Variants in CPE observed in about 807,000 individuals in gnomAD.
The protein encoded by CPE is carboxypeptidase E, also known as carbocypeptidase E.
In CPE, 17 loss-of-function variants were observed where a neutral mutation model predicts 53.5. The observed-to-expected ratio is 0.32, with a 90% CI of 0.22 to 0.48. The LOEUF is 0.48. CPE is among the 20% of genes least tolerant of loss of function. The pLI is 0.99. For missense variants in CPE, 524 were observed against 614.7 expected, an observed-to-expected ratio of 0.85 and a Z score of 1.56; for synonymous variants, 226 against 228.8, an observed-to-expected ratio of 0.99 and a Z score of 0.11.
intron 1 of CPE, among the ~76,000 whole-genome samples, chr4:165,437,399 C>T (rs573268570): frequency 6.6e-6 from 1 of 152,298 alleles, no homozygotes; most frequent in South Asian, 2.1e-4. Flanking sequence ...TAAATCAGCT[C>T]TGTTCTGTCA....
chr4:165,391,495 T>A (rs1730679280), intron 1 of CPE, among the ~76,000 whole-genome samples: 1 of 152,084 alleles, frequency 6.6e-6, no homozygotes, highest in Non-Finnish European at 1.5e-5. Flanking sequence ...TACTAACAAC[T>A]TGCAGTGTAA....
Position 165,392,757 on chromosome 4 carries a change from C to CA in CPE, c.307+13232dup, listed in dbSNP as rs1730705303. The stretch of plus-strand genomic sequence containing the variant: ...TTGTCTTGGTGAGGGAAATCAGCCT[C>CA]AAAGGACAACACCCCAAAACTGCAT... On this transcript the variant is annotated intron_variant, in intron 1 of 8. Transcript: ENST00000402744. Among the ~76,000 whole-genome samples the CA allele has an allele frequency of 3.4e-5, 5 of 148,056 alleles. No homozygotes were observed. In the South Asian group the frequency reaches 1.1e-3, roughly 31 times the overall value.
chr4:165,385,420 TTA>T (rs111764969), intron 1 of CPE, among the ~76,000 whole-genome samples: 2 of 144,668 alleles, frequency 1.4e-5, no homozygotes, highest in Admixed American at 7.1e-5. Flanking sequence ...TCTTACTGTT[TTA>T]TTTTTGTTCA....
rs543612224 is a variant in CPE, at chr4:165,469,334, T to G, written c.672+1479T>G. Among the ~76,000 whole-genome samples the G allele has an allele frequency of 7.2e-5, 11 of 152,300 alleles. No homozygotes were observed. The South Asian group carries it at 1.5e-3, about 20-fold the overall frequency. On this transcript the variant is annotated intron_variant, in intron 3 of 8. Transcript: ENST00000402744. Reference sequence around the variant, plus strand: ...CCCTACATGTAGTGTCTTTCCTAAGTGAGAGCTCGCAAAGTACCATTTCTC... The same window carrying G: ...CCCTACATGTAGTGTCTTTCCTAAGGGAGAGCTCGCAAAGTACCATTTCTC...
chr4:165,407,691 G>C (rs902428417), intron 1 of CPE, among the ~76,000 whole-genome samples: 6 of 151,976 alleles, frequency 3.9e-5, no homozygotes, highest in Admixed American at 3.3e-4. Flanking sequence ...GGGATTACAG[G>C]CATCCACCAC....
chr4:165,495,686 T>A lies in CPE; in HGVS notation c.1332+9T>A. ...ACAGCCCTGCTGCTGGGGTAAGTAA[T>A]CATAATAATAGCCAAACGCTATAAT... On this transcript the variant is annotated intron_variant, in intron 8 of 8. Coordinates refer to ENST00000402744, the MANE Select transcript of CPE (RefSeq NM_001873.4). The A allele has an allele frequency of 6.5e-7, 1 of 1,544,090 alleles. No individual in the cohort carries two copies. The highest frequency in any genetic ancestry group is 1.7e-5 in the Admixed American group (1 of 57,266).
intron 1 of CPE, among the ~76,000 whole-genome samples, chr4:165,401,964 C>T (rs1195720842): frequency 6.6e-6 from 1 of 152,050 alleles, no homozygotes; most frequent in Non-Finnish European, 1.5e-5. Flanking sequence ...TGATGAGGAC[C>T]TGGAAAGGTG....
intron 1 of CPE, among the ~76,000 whole-genome samples, chr4:165,417,363 T>C (rs559045878): frequency 1.8e-4 from 27 of 152,360 alleles, no homozygotes; most frequent in African/African-American, 6.3e-4. Flanking sequence ...CTATTCATTA[T>C]AGAGCAGTTT....
At chr4:165,446,126 C>T (rs1265948488) in intron 1 of CPE, among the ~76,000 whole-genome samples, 2 of 151,752 alleles carry the variant, frequency 1.3e-5, no homozygotes, top group Non-Finnish European at 2.9e-5. Context: ...ATGTCAAAAT[C>T]AGAATATAAA....
intron 1 of CPE, among the ~76,000 whole-genome samples, chr4:165,442,550 T>C (rs1389502977): frequency 6.6e-6 from 1 of 152,158 alleles, no homozygotes; most frequent in South Asian, 2.1e-4. Context: ...ACATCAGAGG[T>C]TGATCTGTGC....
chr4:165,473,881 G>A (rs1470829707), intron 3 of CPE, among the ~76,000 whole-genome samples: 2 of 152,210 alleles, frequency 1.3e-5, no homozygotes, highest in Non-Finnish European at 2.9e-5. Context: ...CAATGACTTG[G>A]AAGCCAGCCA....
chr4:165,382,280 G>A (rs746593285), intron 1 of CPE, among the ~76,000 whole-genome samples: 39 of 151,454 alleles, frequency 2.6e-4, no homozygotes, highest in Non-Finnish European at 5.2e-4. Context: ...TGTACAGTTT[G>A]TTGACATTTA....
intron 1 of CPE, among the ~76,000 whole-genome samples, chr4:165,385,612 G>A (rs1350341277): frequency 1.3e-5 from 2 of 151,678 alleles, no homozygotes; most frequent in Non-Finnish European, 2.9e-5. Flanking sequence ...CTGCCTGTTT[G>A]CCTTTTATCA....
At chr4:165,445,900 A>T (rs1731706005) in intron 1 of CPE, among the ~76,000 whole-genome samples, 1 of 152,144 alleles carries the variant, frequency 6.6e-6, no homozygotes, top group Non-Finnish European at 1.5e-5. Flanking sequence ...ACAGCTTGAT[A>T]TGAAGTCTGG....
At chr4:165,483,704 T>C (rs922158535) in intron 4 of CPE, among the ~76,000 whole-genome samples, 1 of 152,238 alleles carries the variant, frequency 6.6e-6, no homozygotes, top group Non-Finnish European at 1.5e-5. Flanking sequence ...TTAATTTGCC[T>C]TTCTCAGATG....
chr4:165,466,552 CT>C (rs2126701840), intron 2 of CPE, among the ~76,000 whole-genome samples: 1 of 152,146 alleles, frequency 6.6e-6, no homozygotes, highest in Non-Finnish European at 1.5e-5. Context: ...GAGTCTCACT[CT>C]GTCACCAGGA....
At chr4:165,423,848 A>G (rs868047428) in intron 1 of CPE, among the ~76,000 whole-genome samples, 1 of 126,218 alleles carries the variant, frequency 7.9e-6, no homozygotes, top group Non-Finnish European at 1.6e-5. Context: ...CTGTGTCCAT[A>G]TGTTCTCATT....
intron 1 of CPE, among the ~76,000 whole-genome samples, chr4:165,458,249 T>A (rs1400984428): frequency 6.6e-6 from 1 of 152,186 alleles, no homozygotes; most frequent in Non-Finnish European, 1.5e-5. Context: ...TGTCAATTTT[T>A]AAAAATCACT....
At chr4:165,476,590 A>T (rs1219994799) in intron 3 of CPE, among the ~76,000 whole-genome samples, 1 of 151,878 alleles carries the variant, frequency 6.6e-6, no homozygotes, top group East Asian at 1.9e-4. Context: ...ATCTATTGGG[A>T]GACTGCCTTT....
Sources: allele counts gnomAD v4.1 joint callset (sites outside exome capture counted in the v4.1 genomes callset), GRCh38; gene constraint gnomAD v4.1.1; transcripts MANE v1.5; gene names NCBI Gene and HGNC (gene_info 2026-07-23, HGNC 2026-07-21).